Variants in SUGCT observed in about 807,000 individuals in gnomAD.
The protein encoded by SUGCT is succinyl-CoA:glutarate-CoA transferase.
Under a neutral mutation model 55.0 loss-of-function variants are expected in SUGCT, and 41 were observed. The ratio of observed to expected loss-of-function variants is 0.74; its 90% CI spans 0.58 to 0.97. The LOEUF is 0.97. Among genes scored for constraint, SUGCT ranks in the 50% least tolerant of loss-of-function variants. The probability of loss-of-function intolerance (pLI) is 0.00; values close to 1 mark genes in which losing one functional copy is unlikely to be tolerated. For synonymous variants in SUGCT, 187 were observed against 200.4 expected, an observed-to-expected ratio of 0.93 and a Z score of 0.56; for missense variants, 568 against 547.8, an observed-to-expected ratio of 1.04 and a Z score of -0.37.
intron 13 of SUGCT, among the ~76,000 whole-genome samples, chr7:40,787,564 C>G (rs905671247): frequency 2.8e-5 from 4 of 143,584 alleles, no homozygotes; most frequent in African/African-American, 1.0e-4. Context: ...ATCTTGGGAT[C>G]TAAGGATCAA....
chr7:40,925,139 T>C, the SUGCT span, among the ~76,000 whole-genome samples: 1 of 152,218 alleles, frequency 6.6e-6, no homozygotes, highest in African/African-American at 2.4e-5. Context: ...CTCTGGGTTA[T>C]AATAGCCCCT....
the SUGCT span, among the ~76,000 whole-genome samples, chr7:40,924,318 G>A: frequency 5.5e-5 from 8 of 145,040 alleles, no homozygotes; most frequent in East Asian, 1.7e-3. Flanking sequence ...TCAGTTTACT[G>A]CAACCTCTGC....
chr7:40,516,730 G>T (rs901498675), intron 12 of SUGCT, among the ~76,000 whole-genome samples: 1 of 151,984 alleles, frequency 6.6e-6, no homozygotes, highest in Non-Finnish European at 1.5e-5. Flanking sequence ...GATTACTGTA[G>T]CTCTGTTGTT....
intron 12 of SUGCT, among the ~76,000 whole-genome samples, chr7:40,679,619 G>A (rs1392814563): frequency 6.6e-6 from 1 of 152,096 alleles, no homozygotes; most frequent in Non-Finnish European, 1.5e-5. Flanking sequence ...TGGATGCAGA[G>A]AATACCTTTT....
At chr7:40,929,853 T>C in the SUGCT span, among the ~76,000 whole-genome samples, 1 of 152,218 alleles carries the variant, frequency 6.6e-6, no homozygotes, top group Admixed American at 6.5e-5. Context: ...GCAAAAATTT[T>C]CTCCCATTCT....
chr7:40,909,329 G>A, the SUGCT span, among the ~76,000 whole-genome samples: 44 of 152,276 alleles, frequency 2.9e-4, no homozygotes, highest in African/African-American at 5.8e-4. Context: ...TTCTGAGTGC[G>A]ACTGGTCCAA....
At chr7:40,393,456 A>G (rs1350606716) in intron 9 of SUGCT, among the ~76,000 whole-genome samples, 1 of 152,174 alleles carries the variant, frequency 6.6e-6, no homozygotes, top group Non-Finnish European at 1.5e-5. Flanking sequence ...TTGGGTGTAG[A>G]AGTAAATGTT....
chr7:40,148,044 G>A (rs1055537976), intron 1 of SUGCT, among the ~76,000 whole-genome samples: 1 of 152,178 alleles, frequency 6.6e-6, no homozygotes, highest in Admixed American at 6.5e-5. Context: ...AGACCGCACA[G>A]GCTAAACTAA....
intron 12 of SUGCT, among the ~76,000 whole-genome samples, chr7:40,733,792 C>T (rs541534188): frequency 1.3e-5 from 2 of 152,280 alleles, no homozygotes; most frequent in East Asian, 1.9e-4. Flanking sequence ...ATTTATCAAC[C>T]GCTGCTTGGC....
chr7:40,925,201 A>G, the SUGCT span, among the ~76,000 whole-genome samples: 2 of 152,186 alleles, frequency 1.3e-5, no homozygotes, highest in Admixed American at 6.5e-5. Context: ...CTGACTTTCT[A>G]TTTTTATGAG....
At chr7:40,944,224 A>T in the SUGCT span, among the ~76,000 whole-genome samples, 1 of 152,004 alleles carries the variant, frequency 6.6e-6, no homozygotes, top group African/African-American at 2.4e-5. Flanking sequence ...CTCCCATTTT[A>T]TAGGTTGCCT....
At chr7:40,803,534 G>A (rs1790929422) in intron 13 of SUGCT, among the ~76,000 whole-genome samples, 1 of 152,120 alleles carries the variant, frequency 6.6e-6, no homozygotes, top group East Asian at 1.9e-4. Context: ...GGGAATTATT[G>A]TATTTCCTAT....
chr7:40,507,623 G>A (rs1792683020), intron 12 of SUGCT, among the ~76,000 whole-genome samples: 1 of 152,134 alleles, frequency 6.6e-6, no homozygotes, highest in Non-Finnish European at 1.5e-5. Context: ...ATGGATGAGT[G>A]TGATTTTGAA....
chr7:40,670,169 C>CAAAAAAAAAAAAAAAA (rs34786531), intron 12 of SUGCT, among the ~76,000 whole-genome samples: 8 of 58,228 alleles, frequency 1.4e-4, no homozygotes, highest in South Asian at 9.0e-4. Context: ...GACTCCATCT[C>CAAAAAAAAAAAAAAAA]AAAAAAAAAA....
rs143705923 is a variant in SUGCT at position 40,447,991 on chromosome 7, A to G, written c.817-1296A>G. 2.1e-4 allele frequency among the ~76,000 whole-genome samples: 32 copies of G among 152,278 alleles called. 1 individual carries two copies. The highest frequency in any genetic ancestry group is 1.7e-3 in the East Asian group (9 of 5,184). Reference sequence around the variant, plus strand: ...AGAAAGAAGTGCTAAAACATCCTCCAATGGGCTAGGACTGTGGGTGGTTAG... The same window carrying G: ...AGAAAGAAGTGCTAAAACATCCTCCGATGGGCTAGGACTGTGGGTGGTTAG... On this transcript the variant is annotated intron_variant, in intron 9 of 13. Transcript: ENST00000335693.
chr7:40,508,161 C>G (rs1792712538), intron 12 of SUGCT, among the ~76,000 whole-genome samples: 1 of 152,150 alleles, frequency 6.6e-6, no homozygotes, highest in Non-Finnish European at 1.5e-5. Flanking sequence ...GAGTAACATT[C>G]CTGCTCTAAG....
intron 12 of SUGCT, among the ~76,000 whole-genome samples, chr7:40,711,949 G>A (rs1039210788): frequency 1.3e-5 from 2 of 152,204 alleles, no homozygotes; most frequent in Non-Finnish European, 2.9e-5. Flanking sequence ...GCGTGGCAGA[G>A]GTGTTCACAT....
the SUGCT span, among the ~76,000 whole-genome samples, chr7:40,935,264 A>G: frequency 6.6e-6 from 1 of 152,206 alleles, no homozygotes. Context: ...TTAATATACC[A>G]TAAAAATCAC....
chr7:40,670,252 C>G (rs974802045), intron 12 of SUGCT, among the ~76,000 whole-genome samples: 2 of 149,006 alleles, frequency 1.3e-5, no homozygotes, highest in Admixed American at 6.7e-5. Context: ...CTTCAAGAAC[C>G]TAGAAAAAGC....
Sources: gnomAD v4.1 joint callset for allele counts (sites outside exome capture counted in the v4.1 genomes callset) on GRCh38, gnomAD v4.1.1 for gene constraint, MANE v1.5 for transcripts, NCBI Gene and HGNC (gene_info 2026-07-23, HGNC 2026-07-21) for gene names.